Variants in OTUD7B observed in about 807,000 individuals in gnomAD.
OTUD7B encodes the protein OTU domain-containing protein 7B.
OTUD7B carries 34 observed loss-of-function variants against 82.2 expected under a neutral mutation model. The observed-to-expected ratio is 0.41, with a 90% confidence interval of 0.31 to 0.55. The LOEUF is 0.55. OTUD7B is among the 20% of genes least tolerant of loss of function. The pLI, the probability that OTUD7B is intolerant of heterozygous loss-of-function variation, is 0.20. For synonymous variants in OTUD7B, 398 were observed against 402.7 expected (o/e 0.99, Z 0.14); for missense variants, 944 against 1,062.1 (o/e 0.89, Z 1.55).
At chr1:150,013,945 T>TAG (rs1653182222), upstream of OTUD7B, among the ~76,000 whole-genome samples, 1 of 126,058 alleles carries the variant, frequency 7.9e-6, no homozygotes, top group Admixed American at 8.0e-5. Context: ...ATAATATATA[T>TAG]ATACACACAC....
In OTUD7B at chr1:149,950,241, G is replaced by C; in HGVS notation, c.846-20C>G. Reference sequence around the variant, plus strand: ...TCCACCCTGGAACGACGGGAAGGGAGAGAGTGAAAAGGGTGCAGTAAAAAT... The same window carrying C: ...TCCACCCTGGAACGACGGGAAGGGACAGAGTGAAAAGGGTGCAGTAAAAAT... On this transcript the variant is annotated intron_variant, in intron 7 of 11. Coordinates refer to ENST00000581312, the MANE Select transcript of OTUD7B (RefSeq NM_020205.4). 6.2e-7 allele frequency: 1 copy of C among 1,613,334 alleles called. No homozygotes were observed. The highest frequency in any genetic ancestry group is 8.5e-7 in the Non-Finnish European group (1 of 1,179,754).
chr1:150,029,275 T>C, the OTUD7B span, among the ~76,000 whole-genome samples: 39,716 of 151,962 alleles, frequency 0.26, 7,804 homozygotes, highest in African/African-American at 0.55. Context: ...AAAACAACAA[T>C]CCCTACTGTG....
Position 149,977,445 on chromosome 1 carries a change from T to C in OTUD7B, c.66A>G (p.Leu22=). The change falls in exon 2 of 12, where the codon CTA becomes CTG. Residue 22 remains leucine (L), a synonymous_variant. Transcript: ENST00000581312. The stretch of plus-strand genomic sequence containing the variant: ...CCTCACCTTCTAGGAGATCTCGCGC[T>C]AGCCCTGGCTCTGCTCCTGTGGAAC... ...FVRSTGAEPG[L]ARDLLEGKNW... 1 of 1,613,442 alleles carries C rather than the reference T, an allele frequency of 6.2e-7. No individual in the cohort carries two copies. Among genetic ancestry groups the C allele is most frequent in the Non-Finnish European group, 8.5e-7 (1 of 1,179,346 alleles).
chr1:150,047,641 CCT>C, the OTUD7B span: 1 of 152,112 alleles, frequency 6.6e-6, no homozygotes, highest in South Asian at 2.1e-4. Context: ...CCAAACACTT[CCT>C]CTAAGAACTG....
At chr1:150,031,879 A>G in the OTUD7B span, among the ~76,000 whole-genome samples, 1 of 152,224 alleles carries the variant, frequency 6.6e-6, no homozygotes, top group Non-Finnish European at 1.5e-5. Context: ...AGTATTTGCT[A>G]TTATTGTTTT....
chr1:150,044,330 C>T, the OTUD7B span, among the ~76,000 whole-genome samples: 1 of 151,848 alleles, frequency 6.6e-6, no homozygotes, highest in Non-Finnish European at 1.5e-5. Context: ...GCCTCAGCCT[C>T]CCAAGTAGCT....
rs1650392819 is a variant in OTUD7B at position 149,977,352 on chromosome 1, A to G, written c.85+74T>C. 3.7e-6 allele frequency: 4 copies of G among 1,072,694 alleles called. No homozygotes were observed. In the Admixed American group the frequency reaches 5.1e-5, roughly 14 times the overall value. 66.4% of individuals were successfully genotyped at this position (1,072,694 alleles called of 1,614,324 possible). A position where few individuals can be genotyped will look rare whatever the true frequency, so the allele number is the denominator to read the frequency against. On this transcript the variant is annotated intron_variant, in intron 2 of 11. Coordinates refer to ENST00000581312, the MANE Select transcript of OTUD7B (RefSeq NM_020205.4). ...CAAAGTATCTTCCTGATCACCTTAA[A>G]TGGTCCAAATCATCCTAATGATAAA...
intron 11 of OTUD7B, among the ~76,000 whole-genome samples, chr1:149,946,057 T>C (rs2101723863): frequency 8.8e-5 from 1 of 11,380 alleles, no homozygotes; most frequent in Non-Finnish European, 1.6e-4. Context: ...TGAAACTCCA[T>C]CTCAAAGAAA....
Position 149,960,723 on chromosome 1 carries a change from T to C in OTUD7B, c.733-927A>G, listed in dbSNP as rs587726940. ...TATATTCATATATCCAGCTACCTAC[T>C]GGAGACTGCCACCTGCCCATGGCTA... is the stretch of plus-strand genomic sequence containing the variant. On this transcript the variant is annotated intron_variant, in intron 6 of 11. Coordinates refer to ENST00000581312, the MANE Select transcript of OTUD7B (RefSeq NM_020205.4). 5.4e-4 allele frequency among the ~76,000 whole-genome samples: 82 copies of C among 151,958 alleles called. 1 individual carries two copies. Among genetic ancestry groups the C allele is most frequent in the Admixed American group, 4.7e-3 (71 of 15,234 alleles).
intron 1 of OTUD7B, among the ~76,000 whole-genome samples, chr1:149,985,738 C>A (rs1034817163): frequency 4.0e-5 from 2 of 49,912 alleles, no homozygotes; most frequent in Non-Finnish European, 7.8e-5. Flanking sequence ...CACAGTGAGA[C>A]CCTGTATGAA....
chr1:150,055,987 A>C, the OTUD7B span, among the ~76,000 whole-genome samples: 5 of 152,154 alleles, frequency 3.3e-5, no homozygotes, highest in African/African-American at 1.2e-4. Context: ...CCCCTGTGAC[A>C]TGGGTTTATC....
In OTUD7B at chr1:149,940,219, A is replaced by G. The variant is rs968161252; in HGVS notation, c.*3638T>C. On this transcript the variant is annotated 3_prime_UTR_variant, in exon 12 of 12. Coordinates refer to ENST00000581312, the MANE Select transcript of OTUD7B (RefSeq NM_020205.4). ...TCTGTGGGCCTTAGTTTCGCTTGAT[A>G]GAAAAAAAAAAACTGAGCTAATAGA... is the stretch of plus-strand genomic sequence containing the variant. 8.1e-6 allele frequency: 1 copy of G among 123,316 alleles called. No individual in the cohort carries two copies. Among genetic ancestry groups the G allele is most frequent in the Non-Finnish European group, 1.6e-5 (1 of 60,614 alleles). 7.6% of individuals were successfully genotyped at this position (123,316 alleles called of 1,614,324 possible). A position where few individuals can be genotyped will look rare whatever the true frequency, so the allele number is the denominator to read the frequency against.
the OTUD7B span, among the ~76,000 whole-genome samples, chr1:150,061,450 T>C: frequency 6.6e-6 from 1 of 152,230 alleles, no homozygotes; most frequent in Non-Finnish European, 1.5e-5. Flanking sequence ...TATTCTTCTG[T>C]TGACGGACAT....
At chr1:150,012,562 G>T (rs1295952379), upstream of OTUD7B, among the ~76,000 whole-genome samples, 1 of 152,030 alleles carries the variant, frequency 6.6e-6, no homozygotes, top group Admixed American at 6.6e-5. Flanking sequence ...TAATCTTAAC[G>T]CCACTGCCAC....
chr1:150,006,811 A>C (rs114433392), intron 1 of OTUD7B, among the ~76,000 whole-genome samples: 1,945 of 152,356 alleles, frequency 0.013, 46 homozygotes, highest in African/African-American at 0.045. Context: ...GTGTAAACAC[A>C]AAAACTTCTA....
At chr1:149,950,048 A>G in intron 8 of OTUD7B, 46 bp downstream of exon 8, 1 of 1,609,712 alleles carries the variant, frequency 6.2e-7, no homozygotes, top group East Asian at 2.2e-5. Flanking sequence ...AAGGCTTTGC[A>G]AAAGGGGGTG....
At chr1:150,003,193 T>C (rs587759464) in intron 1 of OTUD7B, among the ~76,000 whole-genome samples, 1 of 145,552 alleles carries the variant, frequency 6.9e-6, no homozygotes, top group African/African-American at 2.6e-5. Flanking sequence ...GAGCTTGCAG[T>C]GAGCTGAGAT....
intron 7 of OTUD7B, among the ~76,000 whole-genome samples, chr1:149,955,496 T>C (rs1184832878): frequency 6.6e-6 from 1 of 152,210 alleles, no homozygotes; most frequent in African/African-American, 2.4e-5. Context: ...TGTGATGTGG[T>C]GCTAAGAAGA....
intron 1 of OTUD7B, among the ~76,000 whole-genome samples, chr1:150,007,794 T>A (rs1652762241): frequency 6.6e-6 from 1 of 152,226 alleles, no homozygotes; most frequent in South Asian, 2.1e-4. Flanking sequence ...AATTTTTAAT[T>A]ACCTGAATTT....
Sources: gnomAD v4.1 joint callset for allele counts (sites outside exome capture counted in the v4.1 genomes callset) on GRCh38, gnomAD v4.1.1 for gene constraint, MANE v1.5 for transcripts, NCBI Gene and HGNC (gene_info 2026-07-23, HGNC 2026-07-21) for gene names.